Variants in HMG20A observed in about 807,000 individuals in gnomAD.
HMG20A encodes the protein high mobility group protein 20A.
Under a neutral mutation model 43.9 loss-of-function variants are expected in HMG20A, and 17 were observed. That is an observed-to-expected ratio of 0.39 (90% CI 0.27 to 0.58). The LOEUF (loss-of-function observed/expected upper bound fraction) is 0.58. Ranked by LOEUF, HMG20A falls within the 20% of genes least tolerant of loss-of-function variation. The pLI is 0.59. For synonymous variants in HMG20A, 132 were observed against 147.5 expected (o/e 0.89, Z 0.76); for missense variants, 341 against 438.2 (o/e 0.78, Z 1.98).
chr15:77,509,621 C>T, the HMG20A span, among the ~76,000 whole-genome samples: 1 of 146,232 alleles, frequency 6.8e-6, no homozygotes, highest in Non-Finnish European at 1.5e-5. Flanking sequence ...AAAGAACTAT[C>T]CAGGCTGGGC....
At chr15:77,516,978 T>A in the HMG20A span, among the ~76,000 whole-genome samples, 3 of 152,274 alleles carry the variant, frequency 2.0e-5, no homozygotes, top group African/African-American at 7.2e-5. Context: ...CGCAGCATGG[T>A]GGCCTCACCG....
chr15:77,470,991 G>A lies in HMG20A; in HGVS notation c.532G>A (p.Val178Ile). 6.2e-7 allele frequency: 1 copy of A among 1,613,286 alleles called. No individual in the cohort carries two copies. The highest frequency in any genetic ancestry group is 2.2e-5 in the East Asian group (1 of 44,784). ...EQYQKTEAYKVFSRKTQDRQK... is the reference protein window; with the variant it reads ...EQYQKTEAYKIFSRKTQDRQK... ...GTATCAGAAAACAGAGGCCTACAAG[G>A]TCTTCAGTAGGAAAACCCAGGACCG... The change falls in exon 5 of 10, where the codon GTC (valine) becomes ATC (isoleucine). Residue 178 changes from valine to isoleucine, a missense_variant. Around this residue, in one of 3 missense-constraint regions of HMG20A, gnomAD observed 220 missense variants for 263.6 expected, o/e 0.83. Coordinates refer to ENST00000336216, the MANE Select transcript of HMG20A (RefSeq NM_001304504.2).
At chr15:77,425,390 C>G (rs1187065817) in intron 1 of HMG20A, among the ~76,000 whole-genome samples, 2 of 152,150 alleles carry the variant, frequency 1.3e-5, no homozygotes, top group South Asian at 4.1e-4. Flanking sequence ...CAAAACTGAT[C>G]AATAACTTTT....
At chr15:77,466,251 C>T (rs909168280) in intron 3 of HMG20A, among the ~76,000 whole-genome samples, 4 of 152,126 alleles carry the variant, frequency 2.6e-5, no homozygotes, top group Non-Finnish European at 4.4e-5. Context: ...TGTGGTGGCA[C>T]ATGCCTGTAA....
At chr15:77,493,988 C>T in the HMG20A span, among the ~76,000 whole-genome samples, 35 of 152,198 alleles carry the variant, frequency 2.3e-4, no homozygotes, top group African/African-American at 8.2e-4. Flanking sequence ...ATGACTTTTA[C>T]CAAAGACTTC....
intron 3 of HMG20A, among the ~76,000 whole-genome samples, chr15:77,465,400 G>GTTTT (rs71145838): frequency 2.9e-5 from 4 of 137,384 alleles, no homozygotes; most frequent in Non-Finnish European, 4.7e-5. Flanking sequence ...GTTGTTTTTT[G>GTTTT]TTTTTTTTTT....
chr15:77,448,589 A>T (rs995420124), intron 1 of HMG20A, among the ~76,000 whole-genome samples: 5 of 152,120 alleles, frequency 3.3e-5, no homozygotes, highest in Admixed American at 6.5e-5. Context: ...ATGTATCATT[A>T]TTCATTTTAC....
At chr15:77,513,048 A>C in the HMG20A span, among the ~76,000 whole-genome samples, 55 of 152,368 alleles carry the variant, frequency 3.6e-4, no homozygotes, top group African/African-American at 1.3e-3. Flanking sequence ...TGTCAAGGTC[A>C]TCAAAGTAAA....
chr15:77,457,337 C>G (rs2072664314), intron 1 of HMG20A, among the ~76,000 whole-genome samples: 1 of 152,182 alleles, frequency 6.6e-6, no homozygotes, highest in Admixed American at 6.5e-5. Flanking sequence ...TGAAATAACT[C>G]CTGAGGAAGC....
At chr15:77,434,964 A>G (rs2073530410) in intron 1 of HMG20A, among the ~76,000 whole-genome samples, 1 of 152,234 alleles carries the variant, frequency 6.6e-6, no homozygotes, top group South Asian at 2.1e-4. Context: ...TTAATAGCCC[A>G]AATGTCCATC....
chr15:77,475,674 C>A (rs1310625002), intron 6 of HMG20A, among the ~76,000 whole-genome samples: 1 of 152,220 alleles, frequency 6.6e-6, no homozygotes. Context: ...ATGTTTATAT[C>A]TGTTATGCCT....
At chr15:77,453,524 A>G (rs1455932266) in intron 1 of HMG20A, among the ~76,000 whole-genome samples, 1 of 152,222 alleles carries the variant, frequency 6.6e-6, no homozygotes, top group African/African-American at 2.4e-5. Context: ...TGATTTTCTC[A>G]AAATATTAAA....
chr15:77,443,192 C>T (rs1055275068), intron 1 of HMG20A, among the ~76,000 whole-genome samples: 1 of 151,044 alleles, frequency 6.6e-6, no homozygotes, highest in Admixed American at 6.6e-5. Flanking sequence ...GCCACCATAC[C>T]GGGCTAATTT....
intron 1 of HMG20A, among the ~76,000 whole-genome samples, chr15:77,456,577 G>A (rs2072656185): frequency 6.7e-6 from 1 of 149,210 alleles, no homozygotes; most frequent in African/African-American, 2.5e-5. Flanking sequence ...CAACTTGGGA[G>A]GCTGAAGCAC....
chr15:77,427,973 A>G (rs952345529), intron 1 of HMG20A, among the ~76,000 whole-genome samples: 7 of 152,248 alleles, frequency 4.6e-5, no homozygotes, highest in Non-Finnish European at 8.8e-5. Flanking sequence ...CTCTAAGGCC[A>G]GTGTTTATTC....
intron 2 of HMG20A, among the ~76,000 whole-genome samples, chr15:77,462,016 C>T (rs1412639024): frequency 1.3e-5 from 2 of 152,054 alleles, no homozygotes; most frequent in Non-Finnish European, 1.5e-5. Context: ...GTAGGAACCT[C>T]CTGCTAAAAT....
the HMG20A span, among the ~76,000 whole-genome samples, chr15:77,506,085 A>AC: frequency 4.0e-5 from 6 of 151,894 alleles, no homozygotes; most frequent in South Asian, 2.1e-4. Context: ...AAAAAAAAAA[A>AC]AAAAAACCCT....
At chr15:77,431,205 T>TTTGTA (rs1567389454) in intron 1 of HMG20A, among the ~76,000 whole-genome samples, 1 of 152,092 alleles carries the variant, frequency 6.6e-6, no homozygotes, top group Non-Finnish European at 1.5e-5. Context: ...GTTTATTTAT[T>TTTGTA]TTTTATTTTA....
chr15:77,511,112 G>A, the HMG20A span, among the ~76,000 whole-genome samples: 4 of 152,204 alleles, frequency 2.6e-5, no homozygotes, highest in East Asian at 1.9e-4. Context: ...TAAATATAGC[G>A]CGAAGAGTGG....
Sources: gnomAD v4.1 joint callset for allele counts (sites outside exome capture counted in the v4.1 genomes callset) on GRCh38, gnomAD v4.1.1 for gene constraint, gnomAD v4.1.1 regional missense constraint, MANE v1.5 for transcripts, NCBI Gene and HGNC (gene_info 2026-07-23, HGNC 2026-07-21) for gene names.